SGCG: variants seen among roughly 807,000 people sequenced by gnomAD.
SGCG encodes the protein sarcoglycan gamma, also known as gamma-sarcoglycan.
A neutral mutation model predicts 29.3 loss-of-function variants in SGCG; 26 were observed. The observed-to-expected ratio is 0.89, with a 90% CI of 0.65 to 1.23. SGCG has a LOEUF of 1.23. SGCG is among the 50% of genes most tolerant of loss of function. The pLI is 0.00. For synonymous variants in SGCG, 145 were observed against 129.7 expected (o/e 1.12, Z -0.80); for missense variants, 353 against 356.0 (o/e 0.99, Z 0.07).
At chr13:23,198,573 G>A (rs1211921052) in intron 1 of SGCG, among the ~76,000 whole-genome samples, 3 of 152,120 alleles carry the variant, frequency 2.0e-5, no homozygotes, top group South Asian at 4.1e-4. Flanking sequence ...ATGGCCGGGC[G>A]CGGTGGCTCA....
chr13:23,207,699 T>G (rs1385941776), intron 2 of SGCG, among the ~76,000 whole-genome samples: 1 of 152,034 alleles, frequency 6.6e-6, no homozygotes, highest in Non-Finnish European at 1.5e-5. Context: ...ATGGCCAAAG[T>G]GTTCAGCATC....
the SGCG span, among the ~76,000 whole-genome samples, chr13:23,175,095 C>T: frequency 1.3e-5 from 2 of 152,200 alleles, no homozygotes; most frequent in South Asian, 4.2e-4. Context: ...AAGTTGACCA[C>T]AGAAGGAGCT....
At chr13:23,282,162 A>G (rs547969295) in intron 5 of SGCG, among the ~76,000 whole-genome samples, 5 of 152,300 alleles carry the variant, frequency 3.3e-5, no homozygotes, top group Admixed American at 1.3e-4. Flanking sequence ...TGAGCAGACC[A>G]TAACTCTTCT....
chr13:23,298,033 C>T (rs1881976771), intron 6 of SGCG, among the ~76,000 whole-genome samples: 1 of 151,692 alleles, frequency 6.6e-6, no homozygotes, highest in Admixed American at 6.6e-5. Flanking sequence ...GCATGAGCCA[C>T]CGCGGCCAGC....
chr13:23,264,061 C>T (rs1249538866), intron 4 of SGCG, among the ~76,000 whole-genome samples: 2 of 151,906 alleles, frequency 1.3e-5, no homozygotes, highest in Admixed American at 1.3e-4. Flanking sequence ...TATTCAACAT[C>T]GTACTGAAAG....
Position 23,324,612 on chromosome 13 carries a change from A to C in SGCG, c.*71A>C. On this transcript the variant is annotated 3_prime_UTR_variant, in exon 8 of 8. Transcript: ENST00000218867. ...CCTCACACCCAGGGAGCAGCTGCAC[A>C]TCGTGAAAGACTGAGGCAGCGTGGA... 8.0e-6 allele frequency: 11 copies of C among 1,376,668 alleles called. No individual in the cohort carries two copies. Among genetic ancestry groups the C allele is most frequent in the Non-Finnish European group, 1.1e-5 (11 of 978,960 alleles). 85.3% of individuals were successfully genotyped at this position (1,376,668 alleles called of 1,614,324 possible).
intron 2 of SGCG, among the ~76,000 whole-genome samples, chr13:23,224,980 T>C (rs1878841996): frequency 6.6e-6 from 1 of 152,064 alleles, no homozygotes; most frequent in Non-Finnish European, 1.5e-5. Flanking sequence ...CCTGGAGCAG[T>C]AGCAGCACCC....
intron 4 of SGCG, among the ~76,000 whole-genome samples, chr13:23,256,516 T>C (rs766888946): frequency 2.0e-5 from 3 of 152,112 alleles, no homozygotes; most frequent in Non-Finnish European, 4.4e-5. Flanking sequence ...CCCCTAATGC[T>C]GTCCCTCCCC....
At chr13:23,317,536 C>CTT (rs140722526) in intron 6 of SGCG, among the ~76,000 whole-genome samples, 13 of 151,914 alleles carry the variant, frequency 8.6e-5, no homozygotes, top group Non-Finnish European at 1.3e-4. Context: ...GTATTTTCTC[C>CTT]TTTTTTTTGC....
chr13:23,264,927 G>T (rs1010646314), intron 4 of SGCG, among the ~76,000 whole-genome samples: 1 of 151,988 alleles, frequency 6.6e-6, no homozygotes, highest in Non-Finnish European at 1.5e-5. Flanking sequence ...ACAAAAATTA[G>T]CTCTAGATGG....
At chr13:23,170,816 T>C in the SGCG span, among the ~76,000 whole-genome samples, 1 of 152,170 alleles carries the variant, frequency 6.6e-6, no homozygotes, top group African/African-American at 2.4e-5. Context: ...AGAGGTAGTG[T>C]CAGGAGCAAG....
chr13:23,200,363 G>T (rs1877692848), intron 1 of SGCG, among the ~76,000 whole-genome samples: 1 of 152,202 alleles, frequency 6.6e-6, no homozygotes. Flanking sequence ...GGCGGAGGTT[G>T]CAGTGAGCTG....
chr13:23,315,155 A>G (rs890377274), intron 6 of SGCG, among the ~76,000 whole-genome samples: 3 of 152,176 alleles, frequency 2.0e-5, no homozygotes, highest in Non-Finnish European at 2.9e-5. Context: ...AGGCCCTGCC[A>G]TCTTCTGAAG....
intron 6 of SGCG, among the ~76,000 whole-genome samples, chr13:23,313,392 T>C (rs1384813143): frequency 6.6e-6 from 1 of 152,166 alleles, no homozygotes; most frequent in East Asian, 1.9e-4. Context: ...CTCAAACTCC[T>C]GACCTCAATT....
At chr13:23,224,404 G>C (rs1284587635) in intron 2 of SGCG, among the ~76,000 whole-genome samples, 1 of 152,054 alleles carries the variant, frequency 6.6e-6, no homozygotes, top group Non-Finnish European at 1.5e-5. Flanking sequence ...CTCCAGATGG[G>C]GATCTAGTCT....
intron 6 of SGCG, among the ~76,000 whole-genome samples, chr13:23,316,659 T>A (rs1253447198): frequency 1.3e-5 from 2 of 152,178 alleles, no homozygotes; most frequent in Non-Finnish European, 2.9e-5. Context: ...GAAGTGGAAG[T>A]GGCACCACTC....
intron 4 of SGCG, among the ~76,000 whole-genome samples, chr13:23,263,241 C>G (rs1381700925): frequency 1.3e-5 from 2 of 151,536 alleles, no homozygotes; most frequent in Non-Finnish European, 3.0e-5. Flanking sequence ...CTATATTAAT[C>G]AAGAAAAGAA....
At chr13:23,247,055 C>A in intron 3 of SGCG, 1 of 165,644 alleles carries the variant, frequency 6.0e-6, no homozygotes, top group Non-Finnish European at 1.4e-5. Flanking sequence ...TTTCCAAAAG[C>A]CGTTGCCAGT....
chr13:23,297,370 T>C lies in SGCG; in HGVS notation c.578+1883T>C, dbSNP rs1029384050. Reference sequence around the variant, plus strand: ...GGTGTGAAGTGGGAAATCAGGGGTCTCACAGCCTTCAGAGCTGACAGCCCC... The same window carrying C: ...GGTGTGAAGTGGGAAATCAGGGGTCCCACAGCCTTCAGAGCTGACAGCCCC... On this transcript the variant is annotated intron_variant, in intron 6 of 7. Transcript: ENST00000218867. Among the ~76,000 whole-genome samples the C allele has an allele frequency of 1.3e-3, 196 of 152,168 alleles. 2 individuals carry two copies. Among genetic ancestry groups the C allele is most frequent in the Non-Finnish European group, 4.3e-4 (29 of 68,036 alleles).
Sources: allele counts gnomAD v4.1 joint callset (sites outside exome capture counted in the v4.1 genomes callset), GRCh38; gene constraint gnomAD v4.1.1; transcripts MANE v1.5; gene names NCBI Gene and HGNC (gene_info 2026-07-23, HGNC 2026-07-21).